Variants in P3H1 observed in about 807,000 individuals in gnomAD.
The protein encoded by P3H1 is growth suppressor 1.
Under a neutral mutation model 84.0 loss-of-function variants are expected in P3H1, and 69 were observed. That is an observed-to-expected ratio of 0.82 (90% CI 0.68 to 1.00). The LOEUF (loss-of-function observed/expected upper bound fraction) is 1.00, where lower values mean the gene tolerates loss of function less well. Ranked by LOEUF, P3H1 falls within the 50% of genes least tolerant of loss-of-function variation. The probability of loss-of-function intolerance (pLI) is 0.00; values close to 1 mark genes in which losing one functional copy is unlikely to be tolerated. For missense variants in P3H1, 878 were observed against 962.8 expected, an observed-to-expected ratio of 0.91 and a Z score of 1.17; for synonymous variants, 366 against 388.8, an observed-to-expected ratio of 0.94 and a Z score of 0.69.
chr1:42,763,883 G>A (rs1652853592), intron 1 of P3H1, among the ~76,000 whole-genome samples: 1 of 151,968 alleles, frequency 6.6e-6, no homozygotes, highest in Admixed American at 6.6e-5. Context: ...GGGGGTTCAC[G>A]CCTATAATCC....
chr1:42,761,117 A>G (rs4660663), intron 2 of P3H1: 106,207 of 151,492 alleles, frequency 0.7, 37,336 homozygotes, highest in South Asian at 0.84. Context: ...TTACGGGTGC[A>G]TGCCACCATG....
intron 1 of P3H1, among the ~76,000 whole-genome samples, chr1:42,763,550 T>C (rs1400915383): frequency 6.6e-6 from 1 of 151,412 alleles, no homozygotes; most frequent in Non-Finnish European, 1.5e-5. Flanking sequence ...CGCACACCCG[T>C]AATCCCAGCT....
At chr1:42,766,377 A>G in intron 1 of P3H1, 130 bp downstream of exon 1, 1 of 803,820 alleles carries the variant, frequency 1.2e-6, no homozygotes. Flanking sequence ...CTCCGAGGAG[A>G]GCTCCCCAGC....
chr1:42,746,990 C>T, intron 14 of P3H1, 138 bp from the exon 15 acceptor site: 10 of 1,614,186 alleles, frequency 6.2e-6, no homozygotes, highest in Non-Finnish European at 8.5e-6. Context: ...GTCCTACTCT[C>T]TGGAAAAGGA....
chr1:42,749,321 G>C (rs1651904513), intron 11 of P3H1, among the ~76,000 whole-genome samples: 1 of 152,174 alleles, frequency 6.6e-6, no homozygotes, highest in Non-Finnish European at 1.5e-5. Flanking sequence ...TCTGATCTGT[G>C]CCACGTACCA....
In P3H1 at chr1:42,746,739, C is replaced by T. The variant is rs1171491100; in HGVS notation, c.2169G>A (p.Glu723=). 2 of 1,552,604 alleles carry T rather than the reference C, an allele frequency of 1.3e-6. No homozygotes were observed. Among genetic ancestry groups the T allele is most frequent in the East Asian group, 4.9e-5 (2 of 40,966 alleles). Residue 723 remains glutamate, a synonymous_variant, in exon 15 of 15, where the codon GAG becomes GAA. Coordinates refer to ENST00000296388, the MANE Select transcript of P3H1 (RefSeq NM_022356.4). ...AQQGPPEPAQ[E]SLSGSESKPK... ...GCTTCGATTCACTGCCTGAGAGAGA[C>T]TCTTGTGCAGGTTCGGGGGGGCCCT...
Position 42,757,648 on chromosome 1 carries a change from C to G in P3H1, c.1080+135G>C, listed in dbSNP as rs1299228541. The stretch of plus-strand genomic sequence containing the variant: ...CTGAATAACAAGCCGAGTGACTGAA[C>G]TCACATCTGGCCCCAACACTGACAT... On this transcript the variant is annotated intron_variant, in intron 5 of 14. Coordinates refer to ENST00000296388, the MANE Select transcript of P3H1 (RefSeq NM_022356.4). The G allele has an allele frequency of 2.3e-6, 3 of 1,293,232 alleles. No homozygotes were observed. In the Admixed American group the frequency reaches 5.2e-5, roughly 22 times the overall value. The allele number at this position is 1,293,232 out of a possible 1,614,324, so 80.1% of individuals were successfully genotyped here.
chr1:42,763,789 A>C (rs1181288767), intron 1 of P3H1, among the ~76,000 whole-genome samples: 1 of 152,086 alleles, frequency 6.6e-6, no homozygotes, highest in African/African-American at 2.4e-5. Flanking sequence ...TTTCATATAT[A>C]GAATCCAACC....
chr1:42,756,336 T>C (rs926789468), intron 5 of P3H1: 1 of 153,612 alleles, frequency 6.5e-6, no homozygotes, highest in Admixed American at 6.5e-5. Context: ...TCCCTGAGGA[T>C]AAGCAGCTAA....
At chr1:42,752,726 T>A (rs1652184108) in intron 8 of P3H1, 62 bp from the exon 9 acceptor site, 1 of 1,602,512 alleles carries the variant, frequency 6.2e-7, no homozygotes, top group Non-Finnish European at 8.5e-7. Flanking sequence ...GACTCTCCAT[T>A]GGATATTGCC....
At chr1:42,764,196 G>C (rs1557578387) in intron 1 of P3H1, among the ~76,000 whole-genome samples, 2 of 152,112 alleles carry the variant, frequency 1.3e-5, no homozygotes, top group African/African-American at 4.8e-5. Flanking sequence ...GGCCGAGGCA[G>C]GTGGATCACA....
chr1:42,756,157 G>T (rs1343303999), intron 5 of P3H1, among the ~76,000 whole-genome samples: 1 of 152,204 alleles, frequency 6.6e-6, no homozygotes, highest in Non-Finnish European at 1.5e-5. Context: ...TACAGGACAT[G>T]GGAGAGCAGC....
At chr1:42,759,725 C>G (rs1026578966) in intron 2 of P3H1, among the ~76,000 whole-genome samples, 1 of 151,940 alleles carries the variant, frequency 6.6e-6, no homozygotes, top group African/African-American at 2.4e-5. Flanking sequence ...TCCCTAGTAG[C>G]TGGGATTACA....
At chr1:42,757,568 G>A (rs938078145) in intron 5 of P3H1, among the ~76,000 whole-genome samples, 2 of 152,166 alleles carry the variant, frequency 1.3e-5, no homozygotes, top group African/African-American at 4.8e-5. Flanking sequence ...CCCAGATAAC[G>A]CTAATTGAGG....
At chr1:42,765,504 A>G (rs1242935948) in intron 1 of P3H1, among the ~76,000 whole-genome samples, 3 of 152,252 alleles carry the variant, frequency 2.0e-5, no homozygotes, top group African/African-American at 7.2e-5. Flanking sequence ...ATGTTTGTCA[A>G]ATAGTTTTAG....
At chr1:42,747,556 G>A in intron 13 of P3H1, 144 bp from the exon 14 acceptor site, 1 of 1,108,168 alleles carries the variant, frequency 9.0e-7, no homozygotes, top group Non-Finnish European at 1.4e-6. Flanking sequence ...GAGAAAGGGT[G>A]ACTGGTTAGA....
intron 10 of P3H1, among the ~76,000 whole-genome samples, chr1:42,750,879 C>A (rs1429799482): frequency 6.7e-6 from 1 of 149,818 alleles, no homozygotes; most frequent in Non-Finnish European, 1.5e-5. Flanking sequence ...CGCCTCTGCC[C>A]GGCTGCCCCT....
At chr1:42,759,866 G>A (rs549088077) in intron 2 of P3H1, 41 of 180,276 alleles carry the variant, frequency 2.3e-4, no homozygotes, top group Non-Finnish European at 4.7e-4. Flanking sequence ...ACAGGTGTGA[G>A]CCACTGTGCC....
chr1:42,752,610 T>C lies in P3H1; in HGVS notation c.1400A>G (p.Asn467Ser). The C allele has an allele frequency of 3.7e-6, 6 of 1,614,136 alleles. No homozygotes were observed. Among genetic ancestry groups the C allele is most frequent in the Non-Finnish European group, 5.1e-6 (6 of 1,180,030 alleles). Residue 467 changes from asparagine to serine, a missense_variant, in exon 9 of 15, where the codon AAT becomes AGT. By Grantham distance (46) the Asn-to-Ser change is conservative. Coordinates refer to ENST00000296388, the MANE Select transcript of P3H1 (RefSeq NM_022356.4). The stretch of plus-strand genomic sequence containing the variant: ...GTCCATCACCACCCGCTGGGAACCA[T>C]TCAGGAGTTTGGAGTTCATGGTGAG... ...ISLTMNSKLL[N>S]GSQRVVMDGV...
Sources: gnomAD v4.1 joint callset for allele counts (sites outside exome capture counted in the v4.1 genomes callset) on GRCh38, gnomAD v4.1.1 for gene constraint, MANE v1.5 for transcripts, NCBI Gene and HGNC (gene_info 2026-07-23, HGNC 2026-07-21) for gene names.